DPP10: variants seen among roughly 807,000 people sequenced by gnomAD.
DPP10 encodes the protein inactive dipeptidyl peptidase 10.
Under a neutral mutation model 120.9 loss-of-function variants are expected in DPP10, and 33 were observed. The observed-to-expected ratio is 0.27, with a 90% confidence interval of 0.21 to 0.37. DPP10 has a LOEUF of 0.37. DPP10 is among the 10% of genes least tolerant of loss of function. DPP10 has a pLI of 1.00. For synonymous variants in DPP10, 337 were observed against 326.1 expected, an observed-to-expected ratio of 1.03 and a Z score of -0.36; for missense variants, 816 against 942.8, an observed-to-expected ratio of 0.87 and a Z score of 1.76.
At chr2:115,459,395 G>A (rs1170192410) in intron 3 of DPP10, among the ~76,000 whole-genome samples, 1 of 152,044 alleles carries the variant, frequency 6.6e-6, no homozygotes, top group African/African-American at 2.4e-5. Flanking sequence ...GACCTCAGGT[G>A]ATCCACCCAC....
intron 19 of DPP10, among the ~76,000 whole-genome samples, chr2:115,801,232 T>C (rs868230306): frequency 2.6e-5 from 4 of 152,180 alleles, no homozygotes; most frequent in South Asian, 2.1e-4. Flanking sequence ...TTTGGCTCTC[T>C]GTTTGTCTGT....
At chr2:114,711,915 T>C in intron 1 of DPP10, among the ~76,000 whole-genome samples, 1 of 152,346 alleles carries the variant, frequency 6.6e-6, no homozygotes, top group Admixed American at 6.5e-5. Flanking sequence ...ATATTTTCTT[T>C]GAAAAATGCA....
intron 5 of DPP10, among the ~76,000 whole-genome samples, chr2:115,664,020 T>A (rs981315466): frequency 2.1e-5 from 3 of 145,958 alleles, no homozygotes; most frequent in South Asian, 2.1e-4. Context: ...AATAATAATA[T>A]TACATACATA....
At chr2:115,082,188 A>C (rs569928744) in intron 1 of DPP10, among the ~76,000 whole-genome samples, 27 of 152,296 alleles carry the variant, frequency 1.8e-4, no homozygotes, top group Admixed American at 1.8e-3. Context: ...GCATTTTAAC[A>C]GTAAGAGTAT....
At chr2:114,872,517 CAATT>C (rs1465812137) in intron 1 of DPP10, among the ~76,000 whole-genome samples, 1 of 152,154 alleles carries the variant, frequency 6.6e-6, no homozygotes, top group Non-Finnish European at 1.5e-5. Flanking sequence ...TGGCAGGTAA[CAATT>C]AAGCTGCCCC....
At chr2:115,600,030 A>ACC (rs1363928167) in intron 5 of DPP10, among the ~76,000 whole-genome samples, 2 of 151,446 alleles carry the variant, frequency 1.3e-5, no homozygotes, top group Non-Finnish European at 2.9e-5. Flanking sequence ...AGCCATTGTT[A>ACC]CCCCAGAGCG....
intron 5 of DPP10, among the ~76,000 whole-genome samples, chr2:115,634,545 C>G (rs907015778): frequency 6.6e-6 from 1 of 152,146 alleles, no homozygotes; most frequent in Non-Finnish European, 1.5e-5. Context: ...GGAAGTGTCA[C>G]CAGTGGAGGC....
intron 5 of DPP10, among the ~76,000 whole-genome samples, chr2:115,555,504 A>T (rs779051278): frequency 3.3e-5 from 5 of 152,088 alleles, no homozygotes; most frequent in Non-Finnish European, 7.4e-5. Context: ...ATGCAGACTC[A>T]TCTCTCAGTA....
At chr2:114,553,013 A>T (rs1459302985) in intron 1 of DPP10, among the ~76,000 whole-genome samples, 3 of 152,192 alleles carry the variant, frequency 2.0e-5, no homozygotes, top group Non-Finnish European at 4.4e-5. Context: ...CTTGCTGCTT[A>T]AGCCTCTCAC....
intron 1 of DPP10, among the ~76,000 whole-genome samples, chr2:114,641,119 T>C (rs1695673811): frequency 6.6e-6 from 1 of 152,020 alleles, no homozygotes; most frequent in Non-Finnish European, 1.5e-5. Flanking sequence ...GAGCTGCTAT[T>C]ATTCCCATTT....
At chr2:115,707,068 T>G (rs2092140180) in intron 7 of DPP10, among the ~76,000 whole-genome samples, 1 of 151,782 alleles carries the variant, frequency 6.6e-6, no homozygotes, top group African/African-American at 2.4e-5. Flanking sequence ...TAAAAAGAAA[T>G]CCACAGCCAG....
intron 1 of DPP10, among the ~76,000 whole-genome samples, chr2:114,929,628 A>T (rs1472561988): frequency 6.6e-6 from 1 of 152,200 alleles, no homozygotes; most frequent in African/African-American, 2.4e-5. Context: ...GTTCCCTGAA[A>T]ATCGCTGTTA....
chr2:115,295,065 C>T (rs570404861), intron 1 of DPP10, among the ~76,000 whole-genome samples: 8 of 152,146 alleles, frequency 5.3e-5, no homozygotes, highest in South Asian at 2.1e-4. Flanking sequence ...TTAGAGCAAA[C>T]GTCTTTTCAA....
intron 5 of DPP10, among the ~76,000 whole-genome samples, chr2:115,550,713 T>A (rs1408320744): frequency 6.6e-6 from 1 of 152,166 alleles, no homozygotes; most frequent in African/African-American, 2.4e-5. Context: ...GGGTTGCAGC[T>A]GGTTCAGACT....
chr2:115,703,780 C>T (rs1166117043), intron 7 of DPP10, among the ~76,000 whole-genome samples: 2 of 151,990 alleles, frequency 1.3e-5, no homozygotes, highest in African/African-American at 4.8e-5. Context: ...TATGGCCTAA[C>T]CAAGTTAACA....
At chr2:115,396,147 T>A (rs776155233) in intron 3 of DPP10, among the ~76,000 whole-genome samples, 21 of 152,138 alleles carry the variant, frequency 1.4e-4, no homozygotes, top group Non-Finnish European at 2.4e-4. Context: ...TGGCTGCACA[T>A]CTATTACCTC....
chr2:115,304,811 T>C, intron 1 of DPP10, among the ~76,000 whole-genome samples: 1 of 152,060 alleles, frequency 6.6e-6, no homozygotes, highest in South Asian at 2.1e-4. Context: ...TCCTACTTAT[T>C]ATTCCCAGCA....
Position 115,780,980 on chromosome 2 carries a change from T to C in DPP10, c.1468T>C (p.Leu490=). The change falls in exon 16 of 26, where the codon TTA becomes CTA. Residue 490 remains leucine, a synonymous_variant. Transcript: ENST00000410059. ...TTTTAGTCCCATGAATCAACATTTC[T>C]TATTATTCTGTGAAGGTAAGATAAT... is the stretch of plus-strand genomic sequence containing the variant. ...ASFSPMNQHF[L]LFCEGPRVPV... The C allele has an allele frequency of 6.3e-7, 1 of 1,588,414 alleles. No individual in the cohort carries two copies.
At chr2:114,603,002 T>C (rs1692491742) in intron 1 of DPP10, among the ~76,000 whole-genome samples, 2 of 152,020 alleles carry the variant, frequency 1.3e-5, no homozygotes, top group South Asian at 4.1e-4. Context: ...ATTGTAAACA[T>C]GGCGGAAAAA....
Sources: gnomAD v4.1 joint callset for allele counts (sites outside exome capture counted in the v4.1 genomes callset) on GRCh38, gnomAD v4.1.1 for gene constraint, MANE v1.5 for transcripts, NCBI Gene and HGNC (gene_info 2026-07-23, HGNC 2026-07-21) for gene names.